Variants in COMMD1 observed in about 807,000 individuals in gnomAD.
COMMD1 encodes copper metabolism domain containing 1, also known as COMM domain-containing protein 1.
In COMMD1, 10 loss-of-function variants were observed where a neutral mutation model predicts 17.2. The observed-to-expected ratio is 0.58, with a 90% CI of 0.36 to 0.99. The LOEUF is 0.99. Ranked by LOEUF, COMMD1 falls within the 50% of genes least tolerant of loss-of-function variation. The probability of loss-of-function intolerance (pLI) is 0.01; values close to 1 mark genes in which losing one functional copy is unlikely to be tolerated. For synonymous variants in COMMD1, 97 were observed against 91.6 expected (o/e 1.06, Z -0.34); for missense variants, 270 against 231.8 (o/e 1.17, Z -1.07).
At chr2:62,005,376 T>G (rs1157230397) in intron 2 of COMMD1, among the ~76,000 whole-genome samples, 1 of 152,214 alleles carries the variant, frequency 6.6e-6, no homozygotes, top group Non-Finnish European at 1.5e-5. Flanking sequence ...CACTCCCTAT[T>G]TAAATTTCTC....
chr2:61,903,921 G>T (rs1572945462), upstream of COMMD1, among the ~76,000 whole-genome samples: 1 of 151,978 alleles, frequency 6.6e-6, no homozygotes, highest in East Asian at 1.9e-4. Context: ...TCCCATGCAG[G>T]GTACGTTCAT....
At chr2:62,077,025 G>A (rs1671355539) in intron 2 of COMMD1, among the ~76,000 whole-genome samples, 1 of 152,140 alleles carries the variant, frequency 6.6e-6, no homozygotes, top group Non-Finnish European at 1.5e-5. Context: ...CAGCTACTTG[G>A]GAGGCTGAGG....
intron 1 of COMMD1, among the ~76,000 whole-genome samples, chr2:61,912,748 AAC>A (rs1328306506): frequency 6.6e-6 from 1 of 152,088 alleles, no homozygotes; most frequent in Non-Finnish European, 1.5e-5. Flanking sequence ...AAAAAAAAAA[AAC>A]AGTTTTATTG....
intron 1 of COMMD1, among the ~76,000 whole-genome samples, chr2:61,938,783 T>C (rs1670664584): frequency 6.6e-6 from 1 of 152,214 alleles, no homozygotes; most frequent in African/African-American, 2.4e-5. Context: ...ATCTCTGGTT[T>C]TAAGAATACC....
intron 1 of COMMD1, among the ~76,000 whole-genome samples, chr2:61,955,588 A>G (rs1413166783): frequency 6.6e-6 from 1 of 151,908 alleles, no homozygotes; most frequent in Non-Finnish European, 1.5e-5. Context: ...GTTTTTTTCT[A>G]TAAGCTTTAC....
At chr2:62,090,521 A>G (rs933325317) in intron 2 of COMMD1, among the ~76,000 whole-genome samples, 4 of 152,246 alleles carry the variant, frequency 2.6e-5, no homozygotes, top group African/African-American at 4.8e-5. Context: ...CTGGTCCTCA[A>G]TGTCTAAATT....
intron 2 of COMMD1, among the ~76,000 whole-genome samples, chr2:62,085,805 C>T (rs1340955255): frequency 2.6e-5 from 4 of 151,018 alleles, no homozygotes; most frequent in Non-Finnish European, 5.9e-5. Context: ...TGGTGAAACC[C>T]CGTCTCTACT....
intron 2 of COMMD1, among the ~76,000 whole-genome samples, chr2:62,135,444 G>A (rs1289320409): frequency 1.3e-5 from 2 of 151,380 alleles, no homozygotes; most frequent in Admixed American, 6.6e-5. Context: ...TCCGACTTTC[G>A]GGTTCACGCC....
chr2:62,086,970 T>A (rs1671689029), intron 2 of COMMD1, among the ~76,000 whole-genome samples: 1 of 151,998 alleles, frequency 6.6e-6, no homozygotes, highest in Admixed American at 6.6e-5. Flanking sequence ...ATTACAAGCA[T>A]GTGCCACCAT....
chr2:61,913,816 A>AAGAAG (rs1669978276), intron 1 of COMMD1, among the ~76,000 whole-genome samples: 2 of 100,192 alleles, frequency 2.0e-5, no homozygotes, highest in South Asian at 6.9e-4. Context: ...AAAAAAAAAA[A>AAGAAG]AGAAAAGTGT....
At chr2:61,910,102 C>T (rs1669866086) in intron 1 of COMMD1, among the ~76,000 whole-genome samples, 1 of 152,150 alleles carries the variant, frequency 6.6e-6, no homozygotes, top group African/African-American at 2.4e-5. Context: ...TGGCCATTCA[C>T]TTGCTCTAGT....
chr2:62,037,742 A>T (rs962097779), intron 2 of COMMD1, among the ~76,000 whole-genome samples: 2 of 152,156 alleles, frequency 1.3e-5, no homozygotes, highest in Admixed American at 6.5e-5. Flanking sequence ...CTCCAGTTTT[A>T]TCTGTTAAAT....
chr2:61,892,687 T>C (rs1223073537), intron 1 of COMMD1, among the ~76,000 whole-genome samples: 2 of 146,558 alleles, frequency 1.4e-5, no homozygotes, highest in Admixed American at 1.3e-4. Context: ...AGAGGGAAAC[T>C]CTGTCTCAAA....
intron 1 of COMMD1, among the ~76,000 whole-genome samples, chr2:61,959,052 C>G (rs1671272186): frequency 6.6e-6 from 1 of 152,116 alleles, no homozygotes; most frequent in South Asian, 2.1e-4. Flanking sequence ...TTTTACTGCT[C>G]TTAGTTAGCA....
At chr2:61,959,056 G>A (rs1468035323) in intron 1 of COMMD1, among the ~76,000 whole-genome samples, 2 of 152,106 alleles carry the variant, frequency 1.3e-5, no homozygotes, top group East Asian at 3.8e-4. Context: ...ACTGCTCTTA[G>A]TTAGCATTGT....
chr2:62,021,811 T>G (rs1379546519), intron 2 of COMMD1, among the ~76,000 whole-genome samples: 2 of 152,208 alleles, frequency 1.3e-5, no homozygotes, highest in East Asian at 3.8e-4. Context: ...AAGTCATACA[T>G]GCTTTCAAAA....
rs555540592 is a variant in COMMD1, at chr2:62,085,169, C to T, written c.463-50662C>T. On this transcript the variant is annotated intron_variant, in intron 2 of 2. Coordinates refer to ENST00000311832, the MANE Select transcript of COMMD1 (RefSeq NM_152516.4). ...AAACTGTTTCTGAATCTTTCTAACT[C>T]TCTTAAGTCCACAGTTGCTGTTTTA... Among the ~76,000 whole-genome samples, 19 of 152,088 alleles carry T rather than the reference C, an allele frequency of 1.2e-4. 1 individual carries two copies. The East Asian group carries it at 3.3e-3, about 26-fold the overall frequency.
intron 1 of COMMD1, among the ~76,000 whole-genome samples, chr2:61,979,322 C>G (rs1000588951): frequency 6.6e-6 from 1 of 151,948 alleles, no homozygotes; most frequent in African/African-American, 2.4e-5. Flanking sequence ...ACTAAAAATA[C>G]AAAAATTAGC....
intron 2 of COMMD1, chr2:62,069,403 G>T (rs1227733011): frequency 6.6e-6 from 1 of 152,212 alleles, no homozygotes; most frequent in Non-Finnish European, 1.5e-5. Context: ...GACAGGCAAA[G>T]TAAGTTAACA....
Sources: gnomAD v4.1 joint callset for allele counts (sites outside exome capture counted in the v4.1 genomes callset) on GRCh38, gnomAD v4.1.1 for gene constraint, MANE v1.5 for transcripts, NCBI Gene and HGNC (gene_info 2026-07-23, HGNC 2026-07-21) for gene names.